Variants in NR2E3 observed in about 807,000 individuals in gnomAD.
NR2E3 encodes the protein photoreceptor-specific nuclear receptor.
In NR2E3, 38 loss-of-function variants were observed where a neutral mutation model predicts 37.6. The ratio of observed to expected loss-of-function variants is 1.01; its 90% CI spans 0.78 to 1.33. NR2E3 has a LOEUF of 1.33. Ranked by LOEUF, NR2E3 falls within the 40% of genes most tolerant of loss-of-function variation. The probability of loss-of-function intolerance (pLI) is 0.00; values close to 1 mark genes in which losing one functional copy is unlikely to be tolerated. For synonymous variants in NR2E3, 235 were observed against 225.1 expected, an observed-to-expected ratio of 1.04 and a Z score of -0.39; for missense variants, 562 against 558.7, an observed-to-expected ratio of 1.01 and a Z score of -0.06.
chr15:71,812,656 T>C, intron 5 of NR2E3, 145 bp downstream of exon 5: 1 of 721,030 alleles, frequency 1.4e-6, no homozygotes, highest in Non-Finnish European at 2.2e-6. Context: ...CACATACCTC[T>C]GATTCAGCGA....
In NR2E3 at chr15:71,813,702, C is replaced by A; in HGVS notation, c.994+67C>A. The A allele has an allele frequency of 6.2e-7, 1 of 1,600,202 alleles. No individual in the cohort carries two copies. Among genetic ancestry groups the A allele is most frequent in the South Asian group, 1.1e-5 (1 of 90,688 alleles). On this transcript the variant is annotated intron_variant, in intron 6 of 7. Coordinates refer to ENST00000617575, the MANE Select transcript of NR2E3 (RefSeq NM_014249.4). The surrounding 1 kb of genome is among the most constrained non-coding windows in gnomAD (Gnocchi z 4.7). ...GACTTCCATCTGCCTCTCACTCTCC[C>A]TCCACTACCCCCATGTGTGCAGATG... is the stretch of plus-strand genomic sequence containing the variant.
chr15:71,811,505 C>T lies in NR2E3; in HGVS notation c.141C>T (p.Cys47=), dbSNP rs1595955887. The T allele has an allele frequency of 1.3e-6, 2 of 1,564,024 alleles. No individual in the cohort carries two copies. The highest frequency in any genetic ancestry group is 1.7e-6 in the Non-Finnish European group (2 of 1,154,858). The change falls in exon 2 of 8, where the codon TGC becomes TGT. Residue 47 remains cysteine, a synonymous_variant. Transcript: ENST00000617575. The surrounding 1 kb of genome is among the most constrained non-coding windows in gnomAD (Gnocchi z 5.6). The stretch of plus-strand genomic sequence containing the variant: ...CAGGCGTGAGCCCCTCGCTCCAGTG[C>T]CGCGTGTGCGGAGACAGCAGCAGCG... ...DPTGVSPSLQ[C]RVCGDSSSGK...
Position 71,811,613 on chromosome 15 carries a change from A to G in NR2E3, c.245+4A>G. 6.2e-7 allele frequency: 1 copy of G among 1,603,358 alleles called. No individual in the cohort carries two copies. The highest frequency in any genetic ancestry group is 8.5e-7 in the Non-Finnish European group (1 of 1,175,560). ...TACGGCGGAGGCTCATCTACAGGTG[A>G]GTGCGGTGGGCCCTGCTGGGCGTCT... On this transcript the variant is annotated splice_donor_region_variant and intron_variant, in intron 2 of 7. Coordinates refer to ENST00000617575, the MANE Select transcript of NR2E3 (RefSeq NM_014249.4). The surrounding 1 kb of genome is among the most constrained non-coding windows in gnomAD (Gnocchi z 5.6).
Position 71,813,632 on chromosome 15 carries a change from C to T in NR2E3, c.991C>T (p.Pro331Ser). 6.2e-7 allele frequency: 1 copy of T among 1,613,670 alleles called. No individual in the cohort carries two copies. The highest frequency in any genetic ancestry group is 8.5e-7 in the Non-Finnish European group (1 of 1,179,878). Reference sequence around the variant, plus strand: ...CATGAAGGCCTTGGTCCTCTTCAAGCCAGGTAACTGAGTCTCTGCCCAAAC... The same window carrying T: ...CATGAAGGCCTTGGTCCTCTTCAAGTCAGGTAACTGAGTCTCTGCCCAAAC... ...ACMKALVLFK[P>S]ETRGLKDPEH... is the part of the protein sequence containing the mutation. The change falls in exon 6 of 8, where the codon CCA (proline) becomes TCA (serine). Residue 331 changes from proline to serine, a missense_variant. Pro to Ser is a moderately conservative substitution (Grantham distance 74). Coordinates refer to ENST00000617575, the MANE Select transcript of NR2E3 (RefSeq NM_014249.4). This position sits in a 1 kb window ranked among gnomAD's most constrained non-coding sequence, Gnocchi z 4.7.
In NR2E3 at chr15:71,813,501, G is replaced by T. The variant is rs752309343; in HGVS notation, c.860G>T (p.Gly287Val). 7 of 1,612,910 alleles carry T rather than the reference G, an allele frequency of 4.3e-6. No homozygotes were observed. The highest frequency in any genetic ancestry group is 5.9e-6 in the Non-Finnish European group (7 of 1,179,530). ...LLAPPEASAA[G>V]GAQGRLTLAS... ...GCACCGCCCGAGGCCTCTGCTGCCG[G>T]TGGTGCCCAGGGCCGGCTCACGCTG... Residue 287 changes from glycine (G) to valine (V), a missense_variant, in exon 6 of 8, where the codon GGT becomes GTT. Transcript: ENST00000617575. The surrounding 1 kb of genome is among the most constrained non-coding windows in gnomAD (Gnocchi z 4.7).
At chr15:71,817,192 G>A (rs1458219189) in intron 7 of NR2E3, among the ~76,000 whole-genome samples, 1 of 150,758 alleles carries the variant, frequency 6.6e-6, no homozygotes, top group Non-Finnish European at 1.5e-5. Context: ...TCCGCCTCCC[G>A]GGTTCATGCC....
chr15:71,817,330 C>T (rs906737535), intron 7 of NR2E3: 4 of 358,402 alleles, frequency 1.1e-5, no homozygotes, highest in South Asian at 1.3e-4. Context: ...GATCTCCTGA[C>T]CTTGTGATCC....
Position 71,816,441 on chromosome 15 carries a change from T to C in NR2E3, c.1101-1111T>C, listed in dbSNP as rs12443050. ...ACGCCCGGCTAATTTTTTGTATTTTTAGTAGAGACGGGGTTTCACCGCATT... is the reference window on the plus strand; with the variant it reads ...ACGCCCGGCTAATTTTTTGTATTTTCAGTAGAGACGGGGTTTCACCGCATT... On this transcript the variant is annotated intron_variant, in intron 7 of 7. Transcript: ENST00000617575. 6.3e-3 allele frequency among the ~76,000 whole-genome samples: 962 copies of C among 152,082 alleles called. 47 individuals carry two copies. Among genetic ancestry groups the C allele is most frequent in the Admixed American group, 0.056 (852 of 15,272 alleles).
In NR2E3 at chr15:71,817,817, T is replaced by A; in HGVS notation, c.*133T>A. The A allele has an allele frequency of 1.4e-6, 1 of 715,770 alleles. No homozygotes were observed. The highest frequency in any genetic ancestry group is 2.2e-6 in the Non-Finnish European group (1 of 450,300). The allele number at this position is 715,770 out of a possible 1,614,324, so 44.3% of individuals were successfully genotyped here. A position where few individuals can be genotyped will look rare whatever the true frequency, so the allele number is the denominator to read the frequency against. ...CAGAAATGCCCACCGAAAGATATTG[T>A]AAGAATATTCATAGCAGCTTTATTC... On this transcript the variant is annotated 3_prime_UTR_variant, in exon 8 of 8. Transcript: ENST00000617575.
chr15:71,812,650 T>C (rs944882409), intron 5 of NR2E3, 139 bp downstream of exon 5: 3 of 742,436 alleles, frequency 4.0e-6, no homozygotes, highest in Non-Finnish European at 6.4e-6. Flanking sequence ...GGGACACACA[T>C]ACCTCTGATT....
At chr15:71,814,788 C>A (rs2054214854) in intron 7 of NR2E3, 2 of 985,388 alleles carry the variant, frequency 2.0e-6, no homozygotes, top group Non-Finnish European at 2.4e-6. Flanking sequence ...GGGATGGCAG[C>A]TACTGCCACC....
rs1275150390 is a variant in NR2E3 at position 71,817,737 on chromosome 15, C to T, written c.*53C>T. On this transcript the variant is annotated 3_prime_UTR_variant, in exon 8 of 8. Transcript: ENST00000617575. ...CACTCTGGAAAACAATCTACTGAAACGAAACATTTGCCTACTCTTTGCCCC... is the reference window on the plus strand; with the variant it reads ...CACTCTGGAAAACAATCTACTGAAATGAAACATTTGCCTACTCTTTGCCCC... 4.0e-5 allele frequency: 61 copies of T among 1,517,180 alleles called. 1 individual carries two copies. The East Asian group carries it at 1.0e-3, about 26-fold the overall frequency. The allele number at this position is 1,517,180 out of a possible 1,614,324, so 94.0% of individuals were successfully genotyped here.
chr15:71,813,911 C>T lies in NR2E3; in HGVS notation c.995-101C>T. On this transcript the variant is annotated intron_variant, in intron 6 of 7. Coordinates refer to ENST00000617575, the MANE Select transcript of NR2E3 (RefSeq NM_014249.4). This position sits in a 1 kb window ranked among gnomAD's most constrained non-coding sequence, Gnocchi z 4.7. ...TGGCAGAGCCCACCCCACAGGGCCC[C>T]AGGTCCATGTCTGCAGCCAGAACCC... 6.5e-7 allele frequency: 1 copy of T among 1,542,262 alleles called. No individual in the cohort carries two copies. The highest frequency in any genetic ancestry group is 1.2e-5 in the South Asian group (1 of 83,710).
rs1173782702 is a variant in NR2E3 at position 71,811,766 on chromosome 15, G to A, written c.246G>A (p.Arg82=). The A allele has an allele frequency of 7.1e-6, 11 of 1,549,974 alleles. No individual in the cohort carries two copies. The highest frequency in any genetic ancestry group is 6.0e-5 in the South Asian group (5 of 83,998). ...CCTGGGGTCTCCTCTTCACCTGCAG[G>A]TGCCAGGTGGGGGCAGGGATGTGCC... The part of the protein sequence containing the change: ...KRSVRRRLIY[R]CQVGAGMCPV... The change falls in exon 3 of 8, where the codon AGG becomes AGA. Residue 82 remains arginine (R), a splice_region_variant and synonymous_variant. Transcript: ENST00000617575. This position sits in a 1 kb window ranked among gnomAD's most constrained non-coding sequence, Gnocchi z 5.6.
Position 71,815,099 on chromosome 15 carries a change from G to T in NR2E3, c.1100+982G>T, listed in dbSNP as rs931768640. Among the ~76,000 whole-genome samples the T allele has an allele frequency of 3.3e-5, 5 of 152,330 alleles. No individual in the cohort carries two copies. In the South Asian group the frequency reaches 8.3e-4, roughly 25 times the overall value. ...GTTGCTGCAGGCTGAGTGTGGCTGC[G>T]CGAGGGTGGGGCAGGAGCCGGTGCT... is the stretch of plus-strand genomic sequence containing the variant. On this transcript the variant is annotated intron_variant, in intron 7 of 7. Coordinates refer to ENST00000617575, the MANE Select transcript of NR2E3 (RefSeq NM_014249.4).
chr15:71,814,165 CT>C, intron 7 of NR2E3, 48 bp downstream of exon 7: 2 of 1,572,386 alleles, frequency 1.3e-6, no homozygotes, highest in Non-Finnish European at 1.7e-6. Context: ...GACCTCTAAC[CT>C]TTCTCTGCCT....
In NR2E3 at chr15:71,811,352, C is replaced by G. The variant is rs902860589; in HGVS notation, c.119-131C>G. On this transcript the variant is annotated intron_variant, in intron 1 of 7. Transcript: ENST00000617575. The surrounding 1 kb of genome is among the most constrained non-coding windows in gnomAD (Gnocchi z 5.6). ...GACACTTCTCCAGATGGAAGAGTCA[C>G]GCGTGGGTTCGTTCAAATGCGGGTG... The G allele has an allele frequency of 3.9e-6, 3 of 763,644 alleles. No homozygotes were observed. In the African/African-American group the frequency reaches 5.2e-5, roughly 13 times the overall value. 47.3% of individuals were successfully genotyped at this position (763,644 alleles called of 1,614,324 possible). A position where few individuals can be genotyped will look rare whatever the true frequency, so the allele number is the denominator to read the frequency against.
Position 71,812,021 on chromosome 15 carries a change from C to A in NR2E3, c.416C>A (p.Thr139Asn). 2 of 1,554,996 alleles carry A rather than the reference C, an allele frequency of 1.3e-6. No individual in the cohort carries two copies. Among genetic ancestry groups the A allele is most frequent in the Non-Finnish European group, 1.7e-6 (2 of 1,149,390 alleles). ...CACCTGGACAGCATGGAGTCCAACA[C>A]TGAGTCCCGGCCGGAGTCCCTGGTG... Reference protein sequence around the residue: ...QVHLDSMESNTESRPESLVAP... With the variant: ...QVHLDSMESNNESRPESLVAP... Residue 139 changes from threonine (T) to asparagine (N), a missense_variant, in exon 4 of 8, where the codon ACT (threonine) becomes AAT (asparagine). Transcript: ENST00000617575.
In NR2E3 at chr15:71,811,685, G is replaced by T; in HGVS notation, c.245+76G>T. ...GGTGAGGGGGTGCTCAGGGGAAGAG[G>T]GGCTTGGGCAAAAATGTCCAAGCCC... On this transcript the variant is annotated intron_variant, in intron 2 of 7. Transcript: ENST00000617575. This position sits in a 1 kb window ranked among gnomAD's most constrained non-coding sequence, Gnocchi z 5.6. The T allele has an allele frequency of 6.4e-7, 1 of 1,558,784 alleles. No individual in the cohort carries two copies.
Sources: allele counts gnomAD v4.1 joint callset (sites outside exome capture counted in the v4.1 genomes callset), GRCh38; gene constraint gnomAD v4.1.1; non-coding constraint Gnocchi (gnomAD v3.1); transcripts MANE v1.5; gene names NCBI Gene and HGNC (gene_info 2026-07-23, HGNC 2026-07-21).